CAMKMT: variants seen among roughly 807,000 people sequenced by gnomAD.
CAMKMT encodes the protein CaM KMT.
CAMKMT carries 53 observed loss-of-function variants against 48.0 expected under a neutral mutation model. The observed-to-expected ratio is 1.10, with a 90% confidence interval of 0.89 to 1.39. The LOEUF (loss-of-function observed/expected upper bound fraction) is 1.39, where lower values mean the gene tolerates loss of function less well. CAMKMT is among the 40% of genes most tolerant of loss of function. The pLI is 0.00. For missense variants in CAMKMT, 428 were observed against 402.7 expected (o/e 1.06, Z -0.54); for synonymous variants, 165 against 152.3 (o/e 1.08, Z -0.61).
chr2:44,504,306 C>G (rs1658139112), intron 3 of CAMKMT, among the ~76,000 whole-genome samples: 1 of 152,102 alleles, frequency 6.6e-6, no homozygotes, highest in Admixed American at 6.5e-5. Context: ...TGACTTAGGA[C>G]TTAGTTTAGG....
chr2:44,402,327 T>TAAAA (rs61683632), intron 3 of CAMKMT, among the ~76,000 whole-genome samples: 1 of 116,448 alleles, frequency 8.6e-6, no homozygotes, highest in African/African-American at 3.2e-5. Flanking sequence ...AGACTCTGTC[T>TAAAA]AAAAAAAAAA....
intron 3 of CAMKMT, among the ~76,000 whole-genome samples, chr2:44,522,058 C>T (rs1439272725): frequency 2.0e-5 from 3 of 150,752 alleles, no homozygotes; most frequent in Non-Finnish European, 4.4e-5. Context: ...GGCTGGAGTG[C>T]AGTGGCACAA....
At chr2:44,719,434 T>A (rs2104313693) in intron 7 of CAMKMT, among the ~76,000 whole-genome samples, 1 of 152,334 alleles carries the variant, frequency 6.6e-6, no homozygotes, top group Non-Finnish European at 1.5e-5. Flanking sequence ...CTATTCTAGA[T>A]GCTAGAGATG....
At chr2:44,406,279 C>A (rs985155564) in intron 3 of CAMKMT, among the ~76,000 whole-genome samples, 16 of 147,722 alleles carry the variant, frequency 1.1e-4, no homozygotes, top group Non-Finnish European at 1.8e-4. Flanking sequence ...TGCCTTAAGT[C>A]TTTTTTTTTT....
At chr2:44,455,780 T>G (rs925146221) in intron 3 of CAMKMT, among the ~76,000 whole-genome samples, 4 of 152,170 alleles carry the variant, frequency 2.6e-5, no homozygotes, top group Non-Finnish European at 4.4e-5. Flanking sequence ...AAGCTATTTT[T>G]TTTAATGCAA....
chr2:44,523,497 G>T (rs1671232832), intron 3 of CAMKMT, among the ~76,000 whole-genome samples: 1 of 151,850 alleles, frequency 6.6e-6, no homozygotes, highest in Admixed American at 6.6e-5. Context: ...GTTTCACCAT[G>T]TTGGCCAGGC....
intron 3 of CAMKMT, among the ~76,000 whole-genome samples, chr2:44,519,838 C>T (rs1458039567): frequency 6.6e-6 from 1 of 152,208 alleles, no homozygotes; most frequent in Admixed American, 6.5e-5. Context: ...AATTCCTGGG[C>T]TCAAGTGATC....
rs535383609 is a variant in CAMKMT, at chr2:44,390,230, C to T, written c.312-11C>T. On this transcript the variant is annotated splice_polypyrimidine_tract_variant and intron_variant, in intron 2 of 10. Coordinates refer to ENST00000378494, the MANE Select transcript of CAMKMT (RefSeq NM_024766.5). ...CAGAATCATTAAAGCAAACGCTTTA[C>T]TCCTTTCTAGGCATAATAGTGGATC... is the stretch of plus-strand genomic sequence containing the variant. 103 of 1,597,362 alleles carry T rather than the reference C, an allele frequency of 6.4e-5. 1 individual carries two copies. The East Asian group carries it at 2.0e-3, about 31-fold the overall frequency.
chr2:44,685,922 G>T (rs185326848), intron 3 of CAMKMT, among the ~76,000 whole-genome samples: 11 of 151,692 alleles, frequency 7.3e-5, no homozygotes, highest in Non-Finnish European at 1.5e-4. Context: ...TATATATTTT[G>T]TGTCCTCTTT....
At chr2:44,676,622 G>A (rs546780377) in intron 3 of CAMKMT, 4 of 152,186 alleles carry the variant, frequency 2.6e-5, no homozygotes, top group Non-Finnish European at 5.9e-5. Flanking sequence ...CTGCAGAAGG[G>A]GTCCTACAGT....
At chr2:44,566,325 G>C (rs1354433526) in intron 3 of CAMKMT, among the ~76,000 whole-genome samples, 2 of 152,182 alleles carry the variant, frequency 1.3e-5, no homozygotes, top group Admixed American at 6.5e-5. Context: ...AAGAAAAAGA[G>C]CTATTGTTGC....
At chr2:44,427,091 G>C (rs541568627) in intron 3 of CAMKMT, among the ~76,000 whole-genome samples, 1 of 152,090 alleles carries the variant, frequency 6.6e-6, no homozygotes, top group Non-Finnish European at 1.5e-5. Flanking sequence ...AATGGTGCTG[G>C]GAAAACTGGT....
chr2:44,690,794 G>T (rs1676605820), intron 3 of CAMKMT, among the ~76,000 whole-genome samples: 1 of 151,946 alleles, frequency 6.6e-6, no homozygotes, highest in Admixed American at 6.6e-5. Flanking sequence ...TGACTAACAT[G>T]GCGAAACCCC....
intron 3 of CAMKMT, among the ~76,000 whole-genome samples, chr2:44,522,158 C>A (rs537030880): frequency 6.4e-4 from 97 of 151,992 alleles, no homozygotes; most frequent in Non-Finnish European, 1.2e-3. Flanking sequence ...CACATGCCAC[C>A]ACTCCTGGCT....
intron 3 of CAMKMT, among the ~76,000 whole-genome samples, chr2:44,511,265 C>T (rs1392954845): frequency 1.3e-5 from 2 of 152,192 alleles, no homozygotes; most frequent in Non-Finnish European, 2.9e-5. Context: ...TGGCTCCATC[C>T]AAGTTGCTGC....
intron 3 of CAMKMT, among the ~76,000 whole-genome samples, chr2:44,438,890 C>T (rs977890486): frequency 6.6e-6 from 1 of 152,110 alleles, no homozygotes; most frequent in Non-Finnish European, 1.5e-5. Context: ...CTTATCTGCC[C>T]CTCCTACTGG....
chr2:44,585,351 G>C (rs1669799567), intron 3 of CAMKMT, among the ~76,000 whole-genome samples: 1 of 152,184 alleles, frequency 6.6e-6, no homozygotes. Context: ...CAATTCAGCT[G>C]AACTTCAGAA....
chr2:44,430,734 G>C (rs1684598430), intron 3 of CAMKMT, among the ~76,000 whole-genome samples: 1 of 151,966 alleles, frequency 6.6e-6, no homozygotes. Flanking sequence ...TGGATTTGTT[G>C]GGAGATTATT....
At chr2:44,395,026 G>C in intron 3 of CAMKMT, 1 of 445,302 alleles carries the variant, frequency 2.2e-6, no homozygotes, top group Non-Finnish European at 4.5e-6. Flanking sequence ...TATCTTCCTG[G>C]TTTTTCTAGA....
Sources: gnomAD v4.1 joint callset for allele counts (sites outside exome capture counted in the v4.1 genomes callset) on GRCh38, gnomAD v4.1.1 for gene constraint, MANE v1.5 for transcripts, NCBI Gene and HGNC (gene_info 2026-07-23, HGNC 2026-07-21) for gene names.